HCN2: variants seen among roughly 807,000 people sequenced by gnomAD.
HCN2 encodes the protein potassium/sodium hyperpolarization-activated cyclic nucleotide-gated channel 2.
A neutral mutation model predicts 52.3 loss-of-function variants in HCN2; 20 were observed. That is an observed-to-expected ratio of 0.38 (90% CI 0.27 to 0.56). The LOEUF (loss-of-function observed/expected upper bound fraction) is 0.56. Among genes scored for constraint, HCN2 ranks in the 20% least tolerant of loss-of-function variants. The probability of loss-of-function intolerance (pLI) is 0.71; values close to 1 mark genes in which losing one functional copy is unlikely to be tolerated. For synonymous variants in HCN2, 694 were observed against 537.0 expected (o/e 1.29, Z -4.04); for missense variants, 981 against 1,207.7 (o/e 0.81, Z 2.78).
intron 1 of HCN2, among the ~76,000 whole-genome samples, chr19:595,877 C>T (rs1033248234): frequency 2.6e-5 from 4 of 152,364 alleles, no homozygotes; most frequent in Non-Finnish European, 4.4e-5. Flanking sequence ...AATCCTCTCC[C>T]GGATTGTCCC....
chr19:604,973 T>TC, intron 2 of HCN2, 88 bp from the exon 3 acceptor site: 1 of 1,285,930 alleles, frequency 7.8e-7, no homozygotes, highest in Non-Finnish European at 1.0e-6. Context: ...GGCCAGGAGC[T>TC]CCCGCAGTGG....
intron 5 of HCN2, among the ~76,000 whole-genome samples, chr19:611,429 C>T (rs1326508322): frequency 1.3e-5 from 2 of 152,122 alleles, no homozygotes; most frequent in African/African-American, 4.8e-5. Context: ...TAGCACCTGG[C>T]TCGGGCAGAG....
chr19:594,354 G>T (rs1466814312), intron 1 of HCN2, among the ~76,000 whole-genome samples: 1 of 152,062 alleles, frequency 6.6e-6, no homozygotes, highest in Non-Finnish European at 1.5e-5. Context: ...ACTGCCCTCG[G>T]TCCAGTTCCA....
chr19:603,162 C>G, intron 1 of HCN2, among the ~76,000 whole-genome samples: 1 of 133,954 alleles, frequency 7.5e-6, no homozygotes, highest in South Asian at 2.4e-4. Context: ...GGGAAGAGGG[C>G]CCGGGGCTGG....
Position 598,751 on chromosome 19 carries a change from G to A in HCN2, c.633-4793G>A, listed in dbSNP as rs185106289. Among the ~76,000 whole-genome samples the A allele has an allele frequency of 1.9e-3, 291 of 152,294 alleles. 4 individuals carry two copies. The South Asian group carries it at 0.029, about 15-fold the overall frequency. ...CGAGTAGCTGGGCCTACAGGCGCCC[G>A]CCACCTCACACAAAAAAATAATACA... On this transcript the variant is annotated intron_variant, in intron 1 of 7. Transcript: ENST00000251287.
intron 1 of HCN2, 49 bp from the exon 2 acceptor site, chr19:603,495 G>C: frequency 6.7e-7 from 1 of 1,484,682 alleles, no homozygotes; most frequent in Non-Finnish European, 9.2e-7. Context: ...TGGTCCCGCA[G>C]GTGCCCCGGG....
chr19:589,994 AC>A lies in HCN2; in HGVS notation c.54del (p.Ala19ArgfsTer243). The stretch of plus-strand genomic sequence containing the variant: ...GCGGCCCGGGGAGAGCCCGGGCGCG[AC>A]CCCCGCGCCGGGGCCGCCGCCGCCG... ...GGRPGESPGATPAPGPPPPPP... is the reference protein window; with the variant it reads ...GGRPGESPGAXPAPGPPPPPP... On this transcript the variant is annotated frameshift_variant, in exon 1 of 8. Transcript: ENST00000251287. LOFTEE classifies it high-confidence loss of function. 2 of 661,452 alleles carry A rather than the reference AC, an allele frequency of 3.0e-6. No homozygotes were observed. Among genetic ancestry groups the A allele is most frequent in the Non-Finnish European group, 3.6e-6 (2 of 560,122 alleles). 41.0% of individuals were successfully genotyped at this position (661,452 alleles called of 1,614,324 possible).
chr19:615,369 C>T (rs1568369747), intron 7 of HCN2, among the ~76,000 whole-genome samples: 1 of 152,064 alleles, frequency 6.6e-6, no homozygotes, highest in Non-Finnish European at 1.5e-5. Context: ...AAAAAATTAG[C>T]CGGGTGTGGT....
At chr19:596,758 TG>T (rs944871686) in intron 1 of HCN2, among the ~76,000 whole-genome samples, 5 of 151,128 alleles carry the variant, frequency 3.3e-5, no homozygotes, top group Admixed American at 1.3e-4. Context: ...TGAGGGGGAG[TG>T]GGGTTGGGCT....
In HCN2 at chr19:599,319, C is replaced by T. The variant is rs73918157; in HGVS notation, c.633-4225C>T. ...CCAGAAGCAAGGAGCCGACTTTCGG[C>T]GGCTCCTGAAACAAAGGTCCCGGCG... On this transcript the variant is annotated intron_variant, in intron 1 of 7. Coordinates refer to ENST00000251287, the MANE Select transcript of HCN2 (RefSeq NM_001194.4). 3.8e-3 allele frequency among the ~76,000 whole-genome samples: 583 copies of T among 152,324 alleles called. 6 individuals are homozygous for T. Among genetic ancestry groups the T allele is most frequent in the Middle Eastern group, 0.014 (4 of 294 alleles).
chr19:613,720 G>GCCGGGGCCGGCGCCGGCACTGGCA, intron 6 of HCN2, 132 bp from the exon 7 acceptor site: 1 of 458,630 alleles, frequency 2.2e-6, no homozygotes, highest in Non-Finnish European at 3.1e-6. Context: ...TGGGGCCGGG[G>GCCGGGGCCGGCGCCGGCACTGGCA]CCGGCACCAG....
At chr19:593,432 C>T (rs1355560093) in intron 1 of HCN2, among the ~76,000 whole-genome samples, 1 of 152,158 alleles carries the variant, frequency 6.6e-6, no homozygotes, top group Non-Finnish European at 1.5e-5. Flanking sequence ...GCCTGGCCAA[C>T]ATGGTGAGAT....
At chr19:614,238 TG>T (rs1484903878) in intron 7 of HCN2, among the ~76,000 whole-genome samples, 1 of 152,040 alleles carries the variant, frequency 6.6e-6, no homozygotes, top group African/African-American at 2.4e-5. Flanking sequence ...AGGACCCCTT[TG>T]GGTCTAGAGG....
intron 2 of HCN2, among the ~76,000 whole-genome samples, chr19:604,755 G>GCGGGATCAA (rs1416125674): frequency 2.2e-5 from 3 of 138,990 alleles, no homozygotes; most frequent in African/African-American, 5.4e-5. Flanking sequence ...GTTGTGCTGG[G>GCGGGATCAA]GCGGTGTCAG....
At chr19:610,745 G>A (rs997605997) in intron 5 of HCN2, among the ~76,000 whole-genome samples, 1 of 152,204 alleles carries the variant, frequency 6.6e-6, no homozygotes, top group African/African-American at 2.4e-5. Context: ...GCTGATTGGA[G>A]CGGGTTTAAC....
rs56131056 is a variant in HCN2 at position 603,634 on chromosome 19, T to A, written c.723T>A (p.Thr241=). Residue 241 remains threonine, a synonymous_variant, in exon 2 of 8, where the codon ACT becomes ACA. Coordinates refer to ENST00000251287, the MANE Select transcript of HCN2 (RefSeq NM_001194.4). ...VGITFFKDET[T]APWIVFNVVS... is the part of the protein sequence containing the mutation. Reference sequence around the variant, plus strand: ...TCACCTTCTTCAAGGATGAGACCACTGCCCCGTGGATCGTGTTCAACGTGG... The same window carrying A: ...TCACCTTCTTCAAGGATGAGACCACAGCCCCGTGGATCGTGTTCAACGTGG... The A allele has an allele frequency of 6.2e-6, 10 of 1,611,334 alleles. No individual in the cohort carries two copies. The highest frequency in any genetic ancestry group is 3.3e-5 in the South Asian group (3 of 90,994).
intron 1 of HCN2, among the ~76,000 whole-genome samples, chr19:596,496 G>C (rs1176536787): frequency 9.2e-5 from 14 of 152,238 alleles, no homozygotes; most frequent in Non-Finnish European, 1.8e-4. Flanking sequence ...GCTGGACAAA[G>C]TGGCAGGACC....
chr19:593,239 A>G (rs532582455), intron 1 of HCN2, among the ~76,000 whole-genome samples: 2 of 152,266 alleles, frequency 1.3e-5, no homozygotes, highest in African/African-American at 4.8e-5. Context: ...TATTTGCTGA[A>G]TTTTCTGAGG....
intron 3 of HCN2, among the ~76,000 whole-genome samples, chr19:607,277 C>T (rs1983456915): frequency 6.6e-6 from 1 of 152,272 alleles, no homozygotes; most frequent in African/African-American, 2.4e-5. Context: ...TCGGCCGCTA[C>T]AGTCAGGTTA....
Sources: gnomAD v4.1 joint callset for allele counts (sites outside exome capture counted in the v4.1 genomes callset) on GRCh38, gnomAD v4.1.1 for gene constraint, MANE v1.5 for transcripts, NCBI Gene and HGNC (gene_info 2026-07-23, HGNC 2026-07-21) for gene names.